Variants in NFRKB observed in about 807,000 individuals in gnomAD.
NFRKB encodes nuclear factor related to kappaB binding protein.
In NFRKB, 62 loss-of-function variants were observed where a neutral mutation model predicts 135.7. That is an observed-to-expected ratio of 0.46 (90% confidence interval 0.37 to 0.56). The LOEUF is 0.56. Ranked by LOEUF, NFRKB falls within the 20% of genes least tolerant of loss-of-function variation. The pLI is 0.00. For synonymous variants in NFRKB, 678 were observed against 635.6 expected (o/e 1.07, Z -1.00); for missense variants, 1,545 against 1,662.0 (o/e 0.93, Z 1.22).
rs1948427103 is a variant in NFRKB, at chr11:129,870,096, T to A, written c.2929A>T (p.Met977Leu). The change falls in exon 24 of 27, where the codon ATG becomes TTG. Residue 977 changes from methionine (M) to leucine (L), a missense_variant. By Grantham distance (15) the Met-to-Leu change is conservative. Around this residue, in one of 3 missense-constraint regions of NFRKB, gnomAD observed 753 missense variants for 804.3 expected, o/e 0.94. Coordinates refer to ENST00000682444, the MANE Select transcript of NFRKB (RefSeq NM_001143835.2). The part of the protein sequence containing the change: ...QTVLRITPDM[M>L]ATLAKSQVTT... ...ACCTGGGACTTGGCCAATGTGGCCA[T>A]CATGTCCGGAGTGATTCGCAGAACC... 6.2e-7 allele frequency: 1 copy of A among 1,614,152 alleles called. No homozygotes were observed. The highest frequency in any genetic ancestry group is 8.5e-7 in the Non-Finnish European group (1 of 1,180,058).
Position 129,888,563 on chromosome 11 carries a change from C to T in NFRKB, c.337+31G>A, listed in dbSNP as rs201536367. 12 of 1,597,440 alleles carry T rather than the reference C, an allele frequency of 7.5e-6. No individual in the cohort carries two copies. In the African/African-American group the frequency reaches 1.6e-4, roughly 21 times the overall value. On this transcript the variant is annotated intron_variant, in intron 4 of 26. Coordinates refer to ENST00000682444, the MANE Select transcript of NFRKB (RefSeq NM_001143835.2). Reference sequence around the variant, plus strand: ...AGTGAACGTGTGCCCATCCACCACCCCCCTCAAAGAAAGAATACTGAGCTA... The same window carrying T: ...AGTGAACGTGTGCCCATCCACCACCTCCCTCAAAGAAAGAATACTGAGCTA...
chr11:129,884,802 G>A lies in NFRKB; in HGVS notation c.685C>T (p.Pro229Ser). The A allele has an allele frequency of 1.2e-6, 2 of 1,614,200 alleles. No individual in the cohort carries two copies. The highest frequency in any genetic ancestry group is 1.7e-6 in the Non-Finnish European group (2 of 1,180,038). ...GGCACCACCCGCAGGGGCACCGCAG[G>A]ACTAGGAGAACGTGCTGGAGAGCTC... The part of the protein sequence containing the change: ...LPSSPARSPS[P>S]AVPLRVVPTL... The change falls in exon 7 of 27, where the codon CCT (proline) becomes TCT (serine). Residue 229 changes from proline to serine, a missense_variant. This residue lies in a region of NFRKB where 678 missense variants were observed against 646.7 expected (regional missense o/e 1.05). Coordinates refer to ENST00000682444, the MANE Select transcript of NFRKB (RefSeq NM_001143835.2).
intron 4 of NFRKB, chr11:129,888,372 G>A (rs1949379097): frequency 1.5e-6 from 1 of 682,320 alleles, no homozygotes; most frequent in Admixed American, 2.2e-5. Context: ...GCTGATGCTG[G>A]TTACAAGCTG....
At position 129,883,984 on chromosome 11, in the gene NFRKB, C is replaced by G. The variant is rs1207408490; in HGVS notation, c.816+86G>C. 4 of 1,355,200 alleles carry G rather than the reference C, an allele frequency of 3.0e-6. No individual in the cohort carries two copies. The African/African-American group carries it at 5.7e-5, about 19-fold the overall frequency. 83.9% of individuals were successfully genotyped at this position (1,355,200 alleles called of 1,614,324 possible). ...TGGTAGGGAGGACATACAGACGAGG[C>G]AGTGATGCCCCGTGTCTTCCTCAGG... On this transcript the variant is annotated intron_variant, in intron 8 of 26. Coordinates refer to ENST00000682444, the MANE Select transcript of NFRKB (RefSeq NM_001143835.2).
In NFRKB at chr11:129,874,304, C is replaced by G; in HGVS notation, c.2088G>C (p.Lys696Asn). 1 of 1,517,764 alleles carries G rather than the reference C, an allele frequency of 6.6e-7. No individual in the cohort carries two copies. 94.0% of individuals were successfully genotyped at this position (1,517,764 alleles called of 1,614,324 possible). Reference sequence around the variant, plus strand: ...GCTCAGAAGGGCCACTGCTAAGGACCTTTATGGAGCTCTCCTTGCTACTGG... The same window carrying G: ...GCTCAGAAGGGCCACTGCTAAGGACGTTTATGGAGCTCTCCTTGCTACTGG... ...VKSSSKESSIKVLSSGPSEQS... is the reference protein window; with the variant it reads ...VKSSSKESSINVLSSGPSEQS... Residue 696 changes from lysine (K) to asparagine (N), a missense_variant, in exon 21 of 27, where the codon AAG (lysine) becomes AAC (asparagine). Physicochemically the swap from Lys to Asn is moderately conservative, Grantham distance 94 (BLOSUM62 0). Around this residue, in one of 3 missense-constraint regions of NFRKB, gnomAD observed 753 missense variants for 804.3 expected, o/e 0.94. Coordinates refer to ENST00000682444, the MANE Select transcript of NFRKB (RefSeq NM_001143835.2). This position sits in a 1 kb window ranked among gnomAD's most constrained non-coding sequence, Gnocchi z 4.5.
intron 24 of NFRKB, among the ~76,000 whole-genome samples, chr11:129,869,255 T>TA (rs1385370206): frequency 2.0e-5 from 3 of 152,176 alleles, no homozygotes; most frequent in Admixed American, 6.5e-5. Flanking sequence ...CATACTTTGA[T>TA]AAATTGTGTT....
intron 24 of NFRKB, among the ~76,000 whole-genome samples, chr11:129,867,339 T>C (rs1948247031): frequency 6.6e-6 from 1 of 151,138 alleles, no homozygotes; most frequent in Non-Finnish European, 1.5e-5. Context: ...TTTTTTTTTT[T>C]TTTTGAGACA....
At chr11:129,875,564 C>G in intron 17 of NFRKB, 101 bp from the exon 18 acceptor site, 1 of 834,058 alleles carries the variant, frequency 1.2e-6, no homozygotes, top group Non-Finnish European at 1.9e-6. Context: ...CCTGGGGTTC[C>G]TGCTCCTCTA....
intron 15 of NFRKB, among the ~76,000 whole-genome samples, chr11:129,878,013 A>G (rs1173547200): frequency 6.6e-6 from 1 of 152,192 alleles, no homozygotes; most frequent in African/African-American, 2.4e-5. Flanking sequence ...GCCTAGATGA[A>G]TAATTCTCAA....
chr11:129,865,321 G>A (rs566821833), intron 25 of NFRKB, among the ~76,000 whole-genome samples: 1 of 152,312 alleles, frequency 6.6e-6, no homozygotes. Context: ...CAGTGCTCTG[G>A]ATAAAATGGC....
At chr11:129,893,555 CAAA>C (rs572820032) in intron 2 of NFRKB, among the ~76,000 whole-genome samples, 19 of 92,712 alleles carry the variant, frequency 2.0e-4, no homozygotes, top group Admixed American at 6.1e-4. Flanking sequence ...GACCCTGTCT[CAAA>C]AAAAAAAAAA....
Position 129,869,832 on chromosome 11 carries a change from C to G in NFRKB, c.3193G>C (p.Gly1065Arg). 1.9e-6 allele frequency: 3 copies of G among 1,614,244 alleles called. No individual in the cohort carries two copies. The highest frequency in any genetic ancestry group is 2.5e-6 in the Non-Finnish European group (3 of 1,180,046). Residue 1065 changes from glycine (G) to arginine (R), a missense_variant, in exon 24 of 27, where the codon GGC (glycine) becomes CGC (arginine). Transcript: ENST00000682444. ...SSAFRLMPAL[G>R]VSVADQKGKS... ...CCCTTCTGGTCAGCCACACTCACGC[C>G]AAGAGCTGGCATCAAGCGAAAAGCC...
chr11:129,879,765 G>C (rs897721751), intron 13 of NFRKB, among the ~76,000 whole-genome samples: 5 of 152,106 alleles, frequency 3.3e-5, no homozygotes, highest in Non-Finnish European at 7.4e-5. Context: ...TCAGGTAACA[G>C]CATCATCTGT....
At chr11:129,865,802 G>A (rs1362138783) in intron 25 of NFRKB, 75 bp downstream of exon 25, 24 of 1,330,350 alleles carry the variant, frequency 1.8e-5, no homozygotes, top group Admixed American at 8.7e-5. Context: ...TTTGCCACTC[G>A]GTGACAAGGA....
At chr11:129,883,998 G>A in intron 8 of NFRKB, 72 bp downstream of exon 8, 1 of 1,486,898 alleles carries the variant, frequency 6.7e-7, no homozygotes, top group Non-Finnish European at 9.4e-7. Flanking sequence ...GATGCCCCGT[G>A]TCTTCCTCAG....
At chr11:129,876,579 C>G in intron 17 of NFRKB, 142 bp downstream of exon 17, 1 of 833,946 alleles carries the variant, frequency 1.2e-6, no homozygotes. Flanking sequence ...AGCTCCCAAA[C>G]TGCAATGCTT....
Position 129,864,437 on chromosome 11 carries a change from G to C in NFRKB, c.*288C>G. On this transcript the variant is annotated 3_prime_UTR_variant, in exon 27 of 27. Transcript: ENST00000682444. ...GCCTTCCCTGGGGGTCTTACTCTCA[G>C]AACTCTGGCTTGTTGGACGTAACTG... 2.8e-6 allele frequency: 1 copy of C among 360,578 alleles called. No individual in the cohort carries two copies. The highest frequency in any genetic ancestry group is 5.6e-5 in the East Asian group (1 of 17,868). 22.3% of individuals were successfully genotyped at this position (360,578 alleles called of 1,614,324 possible).
intron 17 of NFRKB, 21 bp downstream of exon 17, chr11:129,876,700 T>C: frequency 6.2e-7 from 1 of 1,606,886 alleles, no homozygotes; most frequent in Non-Finnish European, 8.5e-7. Context: ...GGATCTCTGA[T>C]AATCGACACG....
intron 18 of NFRKB, among the ~76,000 whole-genome samples, 200 bp downstream of exon 18, chr11:129,875,157 C>A (rs905770070): frequency 6.6e-6 from 1 of 152,162 alleles, no homozygotes; most frequent in Non-Finnish European, 1.5e-5. Flanking sequence ...GACCAGTCTG[C>A]CCTTTATCAT....
Sources: allele counts gnomAD v4.1 joint callset (sites outside exome capture counted in the v4.1 genomes callset), GRCh38; gene constraint gnomAD v4.1.1; regional missense constraint gnomAD v4.1.1; non-coding constraint Gnocchi (gnomAD v3.1); transcripts MANE v1.5; gene names NCBI Gene and HGNC (gene_info 2026-07-23, HGNC 2026-07-21).